Variants in RBBP4 observed in about 807,000 individuals in gnomAD.
RBBP4 encodes histone-binding protein RBBP4.
A neutral mutation model predicts 57.2 loss-of-function variants in RBBP4; 3 were observed. That is an observed-to-expected ratio of 0.05 (90% CI 0.02 to 0.14). The LOEUF is 0.14. Ranked by LOEUF, RBBP4 falls within the 10% of genes least tolerant of loss-of-function variation. The pLI is 1.00. For missense variants in RBBP4, 107 were observed against 520.6 expected (o/e 0.21, Z 7.73); for synonymous variants, 151 against 171.5 (o/e 0.88, Z 0.93).
intron 3 of RBBP4, among the ~76,000 whole-genome samples, chr1:32,667,951 G>C (rs1161149521): frequency 1.1e-4 from 17 of 152,118 alleles, no homozygotes; most frequent in Admixed American, 1.1e-3. Flanking sequence ...CATATGCAAT[G>C]TTTTTCTGAA....
At chr1:32,658,037 G>A (rs946970779) in intron 3 of RBBP4, among the ~76,000 whole-genome samples, 1 of 151,960 alleles carries the variant, frequency 6.6e-6, no homozygotes, top group Admixed American at 6.6e-5. Context: ...ATTTTTAGTG[G>A]AGACAGGGTT....
intron 2 of RBBP4, among the ~76,000 whole-genome samples, chr1:32,654,449 T>G (rs1648046486): frequency 6.6e-6 from 1 of 152,196 alleles, no homozygotes; most frequent in Admixed American, 6.5e-5. Context: ...TTTACTATAG[T>G]CATATGCTAA....
intron 11 of RBBP4, among the ~76,000 whole-genome samples, chr1:32,673,915 A>G (rs1282527858): frequency 1.3e-5 from 2 of 151,986 alleles, no homozygotes; most frequent in Non-Finnish European, 2.9e-5. Context: ...TGGCTAACAC[A>G]GTGAAACCCC....
intron 3 of RBBP4, among the ~76,000 whole-genome samples, chr1:32,661,469 T>C (rs554809595): frequency 6.6e-6 from 1 of 151,898 alleles, no homozygotes; most frequent in African/African-American, 2.4e-5. Flanking sequence ...TAATTTTGTA[T>C]TTTTAGTAGA....
In RBBP4 at chr1:32,672,908, G is replaced by GTTTA; in HGVS notation, c.1212+8_1212+11dup. On this transcript the variant is annotated splice_region_variant and intron_variant, in intron 11 of 11. Transcript: ENST00000373493. ...CATGCAAGTGTGGCAAATGGTAAGG[G>GTTTA]TTTAGTAATTTATTTTGGGGAGGTG... 6.3e-7 allele frequency: 1 copy of GTTTA among 1,587,980 alleles called. No individual in the cohort carries two copies. The highest frequency in any genetic ancestry group is 8.6e-7 in the Non-Finnish European group (1 of 1,158,308).
At chr1:32,667,222 G>A (rs1648692228) in intron 3 of RBBP4, among the ~76,000 whole-genome samples, 1 of 152,210 alleles carries the variant, frequency 6.6e-6, no homozygotes, top group Admixed American at 6.5e-5. Flanking sequence ...CCACTTTCAT[G>A]TTCCTCCCGT....
rs996910663 is a variant in RBBP4, at chr1:32,683,066, A to C, written c.*3361A>C. ...TGGGAGGCCGAGGCAAGTGGATCAC[A>C]AGGTCAGGAGATGAGACCATCTTAG... is the stretch of plus-strand genomic sequence containing the variant. On this transcript the variant is annotated 3_prime_UTR_variant, in exon 12 of 12. Transcript: ENST00000373493. The C allele has an allele frequency of 1.4e-4, 21 of 151,990 alleles. No individual in the cohort carries two copies. Among genetic ancestry groups the C allele is most frequent in the African/African-American group, 4.8e-4 (20 of 41,368 alleles). The allele number at this position is 151,990 out of a possible 1,614,324, so 9.4% of individuals were successfully genotyped here.
At position 32,679,811 on chromosome 1, in the gene RBBP4, A is replaced by G; in HGVS notation, c.*106A>G. The G allele has an allele frequency of 3.3e-6, 5 of 1,513,674 alleles. No homozygotes were observed. The highest frequency in any genetic ancestry group is 4.4e-6 in the Non-Finnish European group (5 of 1,137,672). The allele number at this position is 1,513,674 out of a possible 1,614,324, so 93.8% of individuals were successfully genotyped here. Reference sequence around the variant, plus strand: ...AGACTTTATTCAGCTATCCCTCTATATAATAGGTACCACCGATAATGCTAT... The same window carrying G: ...AGACTTTATTCAGCTATCCCTCTATGTAATAGGTACCACCGATAATGCTAT... On this transcript the variant is annotated 3_prime_UTR_variant, in exon 12 of 12. Transcript: ENST00000373493.
At chr1:32,661,640 G>T (rs1648414045) in intron 3 of RBBP4, among the ~76,000 whole-genome samples, 1 of 151,854 alleles carries the variant, frequency 6.6e-6, no homozygotes, top group African/African-American at 2.4e-5. Context: ...TTTCACAGTT[G>T]TTGAACTAAT....
intron 11 of RBBP4, among the ~76,000 whole-genome samples, chr1:32,676,612 CA>C (rs1229475952): frequency 0.16 from 9,261 of 57,830 alleles, 424 homozygotes; most frequent in East Asian, 0.41. Flanking sequence ...AACTCCATCT[CA>C]AAAAAAAAAA....
chr1:32,651,591 C>G (rs1308967019), intron 1 of RBBP4: 4 of 987,784 alleles, frequency 4.0e-6, no homozygotes, highest in African/African-American at 1.7e-5. Context: ...CGGCCTCTGT[C>G]CCGAGCGTGG....
intron 11 of RBBP4, among the ~76,000 whole-genome samples, chr1:32,679,128 C>T (rs547649695): frequency 2.0e-5 from 3 of 152,214 alleles, no homozygotes; most frequent in South Asian, 4.1e-4. Flanking sequence ...GAAACCCCAT[C>T]TCTATTAAAA....
intron 2 of RBBP4, among the ~76,000 whole-genome samples, chr1:32,653,549 A>G (rs1647983522): frequency 6.9e-6 from 1 of 144,318 alleles, no homozygotes; most frequent in Non-Finnish European, 1.5e-5. Flanking sequence ...AAAAATAGGG[A>G]AATGTGTCCT....
intron 3 of RBBP4, among the ~76,000 whole-genome samples, chr1:32,662,967 A>G (rs1353821041): frequency 6.6e-6 from 1 of 152,100 alleles, no homozygotes; most frequent in Non-Finnish European, 1.5e-5. Flanking sequence ...AGCCTGGGTG[A>G]CGAGCAAGAC....
At chr1:32,679,595 A>G in intron 11 of RBBP4, 45 bp from the exon 12 acceptor site, 2 of 1,516,638 alleles carry the variant, frequency 1.3e-6, no homozygotes, top group South Asian at 2.6e-5. Context: ...CTTGAGTTTT[A>G]GAAGAAGTCT....
intron 5 of RBBP4, 38 bp downstream of exon 5, chr1:32,668,892 G>C (rs1411225619): frequency 6.2e-7 from 1 of 1,612,430 alleles, no homozygotes; most frequent in Non-Finnish European, 8.5e-7. Flanking sequence ...ATCTGGGCTA[G>C]TTACCAGTTG....
At chr1:32,658,901 A>G (rs970641812) in intron 3 of RBBP4, among the ~76,000 whole-genome samples, 2 of 144,130 alleles carry the variant, frequency 1.4e-5, no homozygotes, top group African/African-American at 2.7e-5. Flanking sequence ...GTGTAAAATT[A>G]TATGTGTAAT....
intron 2 of RBBP4, among the ~76,000 whole-genome samples, chr1:32,653,804 G>A (rs1321392543): frequency 4.0e-5 from 6 of 151,538 alleles, no homozygotes; most frequent in Admixed American, 2.0e-4. Flanking sequence ...GACTACAGGT[G>A]CCGGCCACTA....
In RBBP4 at chr1:32,669,255, T is replaced by C. The variant is rs1648773127; in HGVS notation, c.786T>C (p.Thr262=). ...LMIWDTRSNN[T]SKPSHSVDAH... ...GTTGGGATACTCGTTCAAACAATACTTCCAAACCAAGCCACTCAGTTGATG... is the reference window on the plus strand; with the variant it reads ...GTTGGGATACTCGTTCAAACAATACCTCCAAACCAAGCCACTCAGTTGATG... Residue 262 remains threonine (T), a synonymous_variant, in exon 7 of 12, where the codon ACT becomes ACC. Transcript: ENST00000373493. This position sits in a 1 kb window ranked among gnomAD's most constrained non-coding sequence, Gnocchi z 4.9. 6.2e-7 allele frequency: 1 copy of C among 1,612,940 alleles called. No homozygotes were observed. Among genetic ancestry groups the C allele is most frequent in the Non-Finnish European group, 8.5e-7 (1 of 1,179,996 alleles).
Sources: gnomAD v4.1 joint callset for allele counts (sites outside exome capture counted in the v4.1 genomes callset) on GRCh38, gnomAD v4.1.1 for gene constraint, Gnocchi (gnomAD v3.1) non-coding constraint, MANE v1.5 for transcripts, NCBI Gene and HGNC (gene_info 2026-07-23, HGNC 2026-07-21) for gene names.